The following ARHGEF3 variants were observed in gnomAD, a reference collection of about 807,000 sequenced individuals.
The protein encoded by ARHGEF3 is 59.8 kDA protein.
Under a neutral mutation model 63.2 loss-of-function variants are expected in ARHGEF3, and 28 were observed. That is an observed-to-expected ratio of 0.44 (90% CI 0.33 to 0.61). ARHGEF3 has a LOEUF of 0.61. Ranked by LOEUF, ARHGEF3 falls within the 20% of genes least tolerant of loss-of-function variation. The probability of loss-of-function intolerance (pLI) is 0.03; values close to 1 mark genes in which losing one functional copy is unlikely to be tolerated. For synonymous variants in ARHGEF3, 266 were observed against 254.2 expected (o/e 1.05, Z -0.44); for missense variants, 533 against 659.3 (o/e 0.81, Z 2.10).
intron 1 of ARHGEF3, among the ~76,000 whole-genome samples, chr3:57,057,646 A>T (rs1705002874): frequency 6.6e-6 from 1 of 152,160 alleles, no homozygotes; most frequent in Non-Finnish European, 1.5e-5. Flanking sequence ...TTTAAAATGT[A>T]AAAGTTTAAA....
At chr3:56,974,382 C>G (rs1701041036) in intron 2 of ARHGEF3, among the ~76,000 whole-genome samples, 1 of 152,092 alleles carries the variant, frequency 6.6e-6, no homozygotes, top group African/African-American at 2.4e-5. Context: ...CTTCAGCATA[C>G]ACACACAAAA....
chr3:57,029,572 T>G (rs565983679), intron 2 of ARHGEF3, among the ~76,000 whole-genome samples: 182 of 152,268 alleles, frequency 1.2e-3, no homozygotes, highest in Non-Finnish European at 2.1e-3. Flanking sequence ...TTAAGAGACC[T>G]CTGCATGCAC....
intron 4 of ARHGEF3, among the ~76,000 whole-genome samples, chr3:56,813,904 T>TCCC (rs2038165951): frequency 6.6e-6 from 1 of 152,100 alleles, no homozygotes; most frequent in East Asian, 1.9e-4. Flanking sequence ...CTCCAGTTTC[T>TCCC]GAGCTCAGTA....
At chr3:56,743,161 G>A (rs896549039) in intron 7 of ARHGEF3, among the ~76,000 whole-genome samples, 2 of 152,314 alleles carry the variant, frequency 1.3e-5, no homozygotes, top group South Asian at 2.1e-4. Context: ...CAACCCCAGC[G>A]ACTGCGTCCC....
chr3:56,786,805 C>A (rs55837354), intron 1 of ARHGEF3, among the ~76,000 whole-genome samples: 1 of 151,666 alleles, frequency 6.6e-6, no homozygotes, highest in Non-Finnish European at 1.5e-5. Context: ...CAGCTAGTTT[C>A]AATTCCAAAG....
At chr3:56,861,204 G>C (rs72867798) in intron 4 of ARHGEF3, among the ~76,000 whole-genome samples, 4,792 of 152,300 alleles carry the variant, frequency 0.031, 92 homozygotes, top group South Asian at 0.053. Flanking sequence ...GTGAGTGGTG[G>C]TCAGTGCCAG....
At chr3:56,983,528 A>G (rs1701410879) in intron 2 of ARHGEF3, among the ~76,000 whole-genome samples, 1 of 152,232 alleles carries the variant, frequency 6.6e-6, no homozygotes, top group Non-Finnish European at 1.5e-5. Flanking sequence ...CGCCTCCAAT[A>G]GTACCTGTGA....
At chr3:56,737,142 T>C in intron 8 of ARHGEF3, 43 bp downstream of exon 8, 1 of 1,540,790 alleles carries the variant, frequency 6.5e-7, no homozygotes, top group South Asian at 1.2e-5. Flanking sequence ...GAATTAGGGA[T>C]ACGGGAGGCG....
chr3:56,989,877 T>C (rs1701683746), intron 2 of ARHGEF3, among the ~76,000 whole-genome samples: 1 of 152,204 alleles, frequency 6.6e-6, no homozygotes, highest in South Asian at 2.1e-4. Context: ...AACTTGACTT[T>C]CCTCCTCTGG....
chr3:57,045,867 G>T (rs537007433), intron 1 of ARHGEF3, among the ~76,000 whole-genome samples: 18 of 152,308 alleles, frequency 1.2e-4, no homozygotes, highest in Middle Eastern at 3.4e-3. Context: ...ACCTGATCCT[G>T]CACCAAACAG....
intron 4 of ARHGEF3, among the ~76,000 whole-genome samples, chr3:56,812,630 A>C (rs2038109783): frequency 6.6e-6 from 1 of 152,224 alleles, no homozygotes; most frequent in Non-Finnish European, 1.5e-5. Flanking sequence ...TGCCATTTGT[A>C]TCAAAACTCT....
intron 7 of ARHGEF3, among the ~76,000 whole-genome samples, chr3:56,739,395 C>T (rs7615813): frequency 0.56 from 80,857 of 144,668 alleles, 24,461 homozygotes; most frequent in East Asian, 0.86. Flanking sequence ...TAATTATTTT[C>T]CTTTTTTTTT....
At chr3:56,859,532 C>A (rs1051666473) in intron 4 of ARHGEF3, among the ~76,000 whole-genome samples, 2 of 150,390 alleles carry the variant, frequency 1.3e-5, no homozygotes, top group African/African-American at 4.9e-5. Flanking sequence ...CCCCTTGGTA[C>A]ACCTTTTTTT....
chr3:56,918,703 G>T (rs929209059), intron 3 of ARHGEF3, among the ~76,000 whole-genome samples: 1 of 152,228 alleles, frequency 6.6e-6, no homozygotes, highest in East Asian at 1.9e-4. Context: ...AATTTCAATA[G>T]TAAGAGGCTC....
chr3:56,836,001 T>C (rs2039095426), intron 4 of ARHGEF3, among the ~76,000 whole-genome samples: 1 of 152,222 alleles, frequency 6.6e-6, no homozygotes, highest in Non-Finnish European at 1.5e-5. Context: ...AAACTGTTGG[T>C]GTTTAGCATG....
chr3:56,998,876 C>A (rs765192532), intron 2 of ARHGEF3, among the ~76,000 whole-genome samples: 36 of 152,180 alleles, frequency 2.4e-4, no homozygotes, highest in Non-Finnish European at 3.7e-4. Flanking sequence ...CCTTTAAGCA[C>A]GTTTTGCTGT....
intron 3 of ARHGEF3, among the ~76,000 whole-genome samples, chr3:56,946,082 C>G (rs1231571131): frequency 2.0e-5 from 3 of 152,216 alleles, no homozygotes; most frequent in Admixed American, 2.0e-4. Context: ...CTGTTAGAAG[C>G]AAAACTAACA....
chr3:56,822,243 G>A (rs1346130942), intron 4 of ARHGEF3, among the ~76,000 whole-genome samples: 3 of 152,152 alleles, frequency 2.0e-5, no homozygotes, highest in Non-Finnish European at 4.4e-5. Flanking sequence ...CACAGATGAA[G>A]AAAGCAAGCC....
At chr3:56,775,613 A>G in intron 1 of ARHGEF3, 1 of 985,628 alleles carries the variant, frequency 1.0e-6, no homozygotes, top group Non-Finnish European at 1.2e-6. Context: ...CCATTGCGTG[A>G]CAATGATTTA....
Sources: gnomAD v4.1 joint callset for allele counts (sites outside exome capture counted in the v4.1 genomes callset) on GRCh38, gnomAD v4.1.1 for gene constraint, MANE v1.5 for transcripts, NCBI Gene and HGNC (gene_info 2026-07-23, HGNC 2026-07-21) for gene names.